The following RAB3GAP1 variants were observed in gnomAD, a reference collection of about 807,000 sequenced individuals.
RAB3GAP1 encodes RAB3 GTPase activating protein catalytic subunit 1.
Under a neutral mutation model 130.7 loss-of-function variants are expected in RAB3GAP1, and 86 were observed. The ratio of observed to expected loss-of-function variants is 0.66; its 90% CI spans 0.55 to 0.79. The LOEUF (loss-of-function observed/expected upper bound fraction) is 0.79, where lower values mean the gene tolerates loss of function less well. Ranked by LOEUF, RAB3GAP1 falls within the 30% of genes least tolerant of loss-of-function variation. The pLI is 0.00. For synonymous variants in RAB3GAP1, 367 were observed against 401.7 expected (o/e 0.91, Z 1.03); for missense variants, 1,029 against 1,169.4 (o/e 0.88, Z 1.75).
At chr2:135,084,143 G>A (rs1251618083) in intron 3 of RAB3GAP1, among the ~76,000 whole-genome samples, 1 of 152,122 alleles carries the variant, frequency 6.6e-6, no homozygotes, top group Admixed American at 6.5e-5. Flanking sequence ...TACTTGGGAG[G>A]CTGAGGCAGG....
At chr2:135,138,374 C>T (rs921452175) in intron 17 of RAB3GAP1, among the ~76,000 whole-genome samples, 12 of 151,620 alleles carry the variant, frequency 7.9e-5, no homozygotes, top group East Asian at 5.9e-4. Context: ...CAATTGAGCC[C>T]GGGAGGTTAA....
At chr2:135,167,287 A>G (rs1356621232) in intron 23 of RAB3GAP1, among the ~76,000 whole-genome samples, 1 of 152,214 alleles carries the variant, frequency 6.6e-6, no homozygotes, top group Non-Finnish European at 1.5e-5. Flanking sequence ...GAATTCAGCA[A>G]ATAAATGACT....
chr2:135,102,772 A>G (rs933464537), intron 5 of RAB3GAP1, among the ~76,000 whole-genome samples: 40 of 151,916 alleles, frequency 2.6e-4, no homozygotes, highest in Admixed American at 5.9e-4. Context: ...TCCCAGCACT[A>G]TGGGATGCCA....
chr2:135,079,260 A>C (rs1014042785), intron 3 of RAB3GAP1, among the ~76,000 whole-genome samples: 2 of 152,190 alleles, frequency 1.3e-5, no homozygotes, highest in Non-Finnish European at 2.9e-5. Flanking sequence ...TGCTGCAATT[A>C]CAGGACTAAG....
intron 2 of RAB3GAP1, among the ~76,000 whole-genome samples, chr2:135,055,116 A>G (rs1249971213): frequency 6.6e-6 from 1 of 152,200 alleles, no homozygotes; most frequent in East Asian, 1.9e-4. Flanking sequence ...TGTGCAGTCT[A>G]GTGCATTACA....
At chr2:135,157,704 C>G (rs188173228) in intron 19 of RAB3GAP1, among the ~76,000 whole-genome samples, 1 of 151,734 alleles carries the variant, frequency 6.6e-6, no homozygotes, top group Non-Finnish European at 1.5e-5. Flanking sequence ...TGGTAGCACA[C>G]GTCTGTAATC....
In RAB3GAP1 at chr2:135,088,191, G is replaced by C. The variant is rs116293138; in HGVS notation, c.151-2807G>C. ...AAAGATTTACTGCAAACTTGAAAAA[G>C]GGATTTCTCTCTCCTTTTCTGGACT... On this transcript the variant is annotated intron_variant, in intron 3 of 23. Coordinates refer to ENST00000264158, the MANE Select transcript of RAB3GAP1 (RefSeq NM_012233.3). 3.1e-3 allele frequency among the ~76,000 whole-genome samples: 479 copies of C among 152,260 alleles called. 3 individuals are homozygous for C. Among genetic ancestry groups the C allele is most frequent in the African/African-American group, 0.011 (465 of 41,548 alleles).
chr2:135,053,655 AG>A (rs1410495795), intron 2 of RAB3GAP1, among the ~76,000 whole-genome samples: 1 of 152,202 alleles, frequency 6.6e-6, no homozygotes, highest in African/African-American at 2.4e-5. Flanking sequence ...CCTTCATAAA[AG>A]TGTCAGTAAG....
intron 3 of RAB3GAP1, among the ~76,000 whole-genome samples, chr2:135,086,215 C>T (rs192833360): frequency 6.4e-4 from 98 of 152,104 alleles, no homozygotes; most frequent in African/African-American, 2.3e-3. Context: ...ATCTGCTTTC[C>T]TTTCTTTGGG....
At chr2:135,167,751 C>T in intron 23 of RAB3GAP1, 1 of 1,438,690 alleles carries the variant, frequency 7.0e-7, no homozygotes, top group Non-Finnish European at 9.4e-7. Flanking sequence ...GTTCCTTGTT[C>T]CTTCCCATCC....
At chr2:135,129,401 G>A (rs1242391951) in intron 11 of RAB3GAP1, among the ~76,000 whole-genome samples, 2 of 141,362 alleles carry the variant, frequency 1.4e-5, no homozygotes, top group South Asian at 2.3e-4. Context: ...GCAGTGAGCC[G>A]AGATTGCGCC....
Position 135,135,799 on chromosome 2 carries a change from G to C in RAB3GAP1, c.1790G>C (p.Gly597Ala). Residue 597 changes from glycine (G) to alanine (A), a missense_variant, in exon 17 of 24, where the codon GGA becomes GCA. Physicochemically the swap from Gly to Ala is moderately conservative, Grantham distance 60. Transcript: ENST00000264158. ...CTAAGTGATACTGAAGAACTTAAAG[G>C]AAATGGACAAGAGAGTGGCAAGAAA... ...ECLSDTEELKGNGQESGKKGG... is the reference protein window; with the variant it reads ...ECLSDTEELKANGQESGKKGG... 6.2e-7 allele frequency: 1 copy of C among 1,614,152 alleles called. No individual in the cohort carries two copies. The highest frequency in any genetic ancestry group is 8.5e-7 in the Non-Finnish European group (1 of 1,180,018).
intron 5 of RAB3GAP1, among the ~76,000 whole-genome samples, chr2:135,104,427 C>T (rs1256365141): frequency 6.6e-6 from 1 of 151,966 alleles, no homozygotes; most frequent in East Asian, 1.9e-4. Context: ...CTTAGTGGGT[C>T]TAGATATTAG....
intron 23 of RAB3GAP1, among the ~76,000 whole-genome samples, chr2:135,166,846 T>A (rs2105005214): frequency 6.6e-6 from 1 of 152,350 alleles, no homozygotes; most frequent in South Asian, 2.1e-4. Flanking sequence ...GTATATCATC[T>A]TTCAGTAGCC....
intron 23 of RAB3GAP1, among the ~76,000 whole-genome samples, 186 bp from the exon 24 acceptor site, chr2:135,168,359 G>A (rs1190053660): frequency 6.6e-6 from 1 of 152,222 alleles, no homozygotes. Flanking sequence ...TGCTCATGCA[G>A]TGTCTCAAGC....
At position 135,082,442 on chromosome 2, in the gene RAB3GAP1, C is replaced by CT. The variant is rs746223510; in HGVS notation, c.151-8540dup. Among the ~76,000 whole-genome samples the CT allele has an allele frequency of 9.3e-3, 1,317 of 141,596 alleles. 12 individuals carry two copies. The highest frequency in any genetic ancestry group is 0.024 in the African/African-American group (942 of 38,844). 92.9% of individuals were successfully genotyped at this position (141,596 alleles called of 152,430 possible). On this transcript the variant is annotated intron_variant, in intron 3 of 23. Coordinates refer to ENST00000264158, the MANE Select transcript of RAB3GAP1 (RefSeq NM_012233.3). Reference sequence around the variant, plus strand: ...TAAATGGAATCATATAATACACACACTTTTTTTTTTTTTTTTGAGACACAG... The same window carrying CT: ...TAAATGGAATCATATAATACACACACTTTTTTTTTTTTTTTTTGAGACACAG...
intron 3 of RAB3GAP1, among the ~76,000 whole-genome samples, chr2:135,088,295 A>G (rs560209098): frequency 8.1e-4 from 124 of 152,270 alleles, no homozygotes; most frequent in African/African-American, 2.7e-3. Flanking sequence ...GTACATTATC[A>G]TATTACTTAC....
intron 9 of RAB3GAP1, among the ~76,000 whole-genome samples, 173 bp downstream of exon 9, chr2:135,124,419 G>A (rs908006724): frequency 5.3e-5 from 8 of 152,180 alleles, no homozygotes; most frequent in South Asian, 2.1e-4. Flanking sequence ...TAATCCTAGC[G>A]CTCTGGGAGG....
chr2:135,146,733 T>C (rs1242751783), intron 17 of RAB3GAP1, among the ~76,000 whole-genome samples: 2 of 152,324 alleles, frequency 1.3e-5, no homozygotes, highest in Non-Finnish European at 2.9e-5. Context: ...TTTATGCAAA[T>C]GGAATAACAT....
Sources: gnomAD v4.1 joint callset for allele counts (sites outside exome capture counted in the v4.1 genomes callset) on GRCh38, gnomAD v4.1.1 for gene constraint, MANE v1.5 for transcripts, NCBI Gene and HGNC (gene_info 2026-07-23, HGNC 2026-07-21) for gene names.